PALD1: variants seen among roughly 807,000 people sequenced by gnomAD.
The protein encoded by PALD1 is phosphatase domain containing paladin 1.
Under a neutral mutation model 96.0 loss-of-function variants are expected in PALD1, and 57 were observed. The ratio of observed to expected loss-of-function variants is 0.59; its 90% CI spans 0.48 to 0.74. The LOEUF is 0.74. Among genes scored for constraint, PALD1 ranks in the 30% least tolerant of loss-of-function variants. The pLI is 0.00. For synonymous variants in PALD1, 464 were observed against 473.6 expected (o/e 0.98, Z 0.26); for missense variants, 1,063 against 1,143.7 (o/e 0.93, Z 1.02).
At chr10:70,558,992 G>T (rs1847675456) in intron 18 of PALD1, among the ~76,000 whole-genome samples, 1 of 152,194 alleles carries the variant, frequency 6.6e-6, no homozygotes. Context: ...TGATAGCTGG[G>T]CACTGGAAGA....
chr10:70,552,891 T>C (rs1345859560), intron 18 of PALD1, among the ~76,000 whole-genome samples: 2 of 152,166 alleles, frequency 1.3e-5, no homozygotes, highest in Non-Finnish European at 2.9e-5. Flanking sequence ...ACAGTTCTCC[T>C]TTTCCCCCCT....
intron 1 of PALD1, among the ~76,000 whole-genome samples, chr10:70,493,599 A>C (rs1201833359): frequency 6.6e-6 from 1 of 152,124 alleles, no homozygotes; most frequent in Non-Finnish European, 1.5e-5. Context: ...TCCTCACTGC[A>C]CACCCACTTC....
chr10:70,517,899 G>T (rs1028227575), intron 1 of PALD1, among the ~76,000 whole-genome samples: 2 of 151,346 alleles, frequency 1.3e-5, no homozygotes, highest in African/African-American at 4.9e-5. Flanking sequence ...TTTTGGGGTT[G>T]TTTTTTTTAT....
chr10:70,531,981 TA>T (rs71472975), intron 5 of PALD1, among the ~76,000 whole-genome samples: 19,182 of 136,468 alleles, frequency 0.14, 1,299 homozygotes, highest in South Asian at 0.2. Context: ...AAACTCTTTC[TA>T]AAAAAAAAAA....
intron 1 of PALD1, among the ~76,000 whole-genome samples, chr10:70,512,515 A>G (rs768148737): frequency 4.6e-5 from 7 of 152,234 alleles, no homozygotes; most frequent in Non-Finnish European, 8.8e-5. Context: ...GGTTAGAATT[A>G]GGGAGGCAGC....
chr10:70,507,250 A>T (rs1323533455), intron 1 of PALD1, among the ~76,000 whole-genome samples: 1 of 150,878 alleles, frequency 6.6e-6, no homozygotes, highest in Non-Finnish European at 1.5e-5. Flanking sequence ...AAAAATACAA[A>T]AAAAAAAAAA....
At chr10:70,511,492 G>A (rs141921921) in intron 1 of PALD1, among the ~76,000 whole-genome samples, 48 of 152,300 alleles carry the variant, frequency 3.2e-4, no homozygotes, top group African/African-American at 1.2e-3. Flanking sequence ...TTATACTGAC[G>A]CTTATGTCCC....
chr10:70,510,568 C>T (rs942036781), intron 1 of PALD1, among the ~76,000 whole-genome samples: 20 of 152,158 alleles, frequency 1.3e-4, no homozygotes, highest in East Asian at 7.7e-4. Flanking sequence ...ATTGCCTTTC[C>T]GTGAGTTGAC....
At chr10:70,536,097 C>G (rs1286862214) in intron 10 of PALD1, among the ~76,000 whole-genome samples, 1 of 152,134 alleles carries the variant, frequency 6.6e-6, no homozygotes, top group African/African-American at 2.4e-5. Context: ...TGGTGAAATC[C>G]TGTCTCCACA....
At chr10:70,521,410 A>G (rs1213948191) in intron 1 of PALD1, among the ~76,000 whole-genome samples, 3 of 152,196 alleles carry the variant, frequency 2.0e-5, no homozygotes, top group Non-Finnish European at 4.4e-5. Context: ...TATGACATAA[A>G]GCATCCAGCA....
rs1847865964 is a variant in PALD1, at chr10:70,566,790, G to A, written c.*57G>A. On this transcript the variant is annotated 3_prime_UTR_variant, in exon 20 of 20. Transcript: ENST00000263563. ...GGCCCCACGCAGGCCTGGGGTGTCT[G>A]AGGTGCTCTTGGCTGGGAGCGGCCC... 4 of 1,270,326 alleles carry A rather than the reference G, an allele frequency of 3.1e-6. No homozygotes were observed. The highest frequency in any genetic ancestry group is 2.2e-6 in the Non-Finnish European group (2 of 920,290). The allele number at this position is 1,270,326 out of a possible 1,614,324, so 78.7% of individuals were successfully genotyped here.
chr10:70,537,538 G>A (rs890482369), intron 10 of PALD1, among the ~76,000 whole-genome samples: 14 of 152,362 alleles, frequency 9.2e-5, no homozygotes, highest in Admixed American at 7.8e-4. Context: ...CTGTCTTGGC[G>A]CTGGGAGCCT....
intron 18 of PALD1, among the ~76,000 whole-genome samples, chr10:70,547,766 C>T (rs1157717680): frequency 6.6e-6 from 1 of 152,134 alleles, no homozygotes; most frequent in African/African-American, 2.4e-5. Flanking sequence ...CCCAGGAGCC[C>T]TGTGGTGCCA....
intron 1 of PALD1, among the ~76,000 whole-genome samples, chr10:70,509,059 C>A (rs542703877): frequency 2.6e-5 from 4 of 152,350 alleles, no homozygotes; most frequent in Admixed American, 2.6e-4. Context: ...TGCCGTCCCC[C>A]AGAGTCGGGC....
chr10:70,561,999 G>C (rs956838191), intron 18 of PALD1, among the ~76,000 whole-genome samples: 1 of 152,230 alleles, frequency 6.6e-6, no homozygotes, highest in African/African-American at 2.4e-5. Context: ...CCCAGTATGT[G>C]GCTTGGGTGA....
At chr10:70,470,542 TA>T in the PALD1 span, among the ~76,000 whole-genome samples, 5 of 144,936 alleles carry the variant, frequency 3.4e-5, no homozygotes, top group Admixed American at 1.4e-4. Flanking sequence ...TATTATATAA[TA>T]AATAATATTT....
At chr10:70,483,892 G>GTATA (rs1327401189) in intron 1 of PALD1, among the ~76,000 whole-genome samples, 5 of 152,162 alleles carry the variant, frequency 3.3e-5, no homozygotes, top group South Asian at 4.1e-4. Flanking sequence ...TACACGGGAT[G>GTATA]TATACATCAG....
chr10:70,535,000 T>C (rs1847079938), intron 10 of PALD1, among the ~76,000 whole-genome samples, 157 bp downstream of exon 10: 1 of 152,220 alleles, frequency 6.6e-6, no homozygotes, highest in Non-Finnish European at 1.5e-5. Flanking sequence ...AGATAGGGGC[T>C]CTGGGCCCAC....
chr10:70,520,209 CAG>C (rs1316605391), intron 1 of PALD1, among the ~76,000 whole-genome samples: 1 of 152,144 alleles, frequency 6.6e-6, no homozygotes, highest in Non-Finnish European at 1.5e-5. Flanking sequence ...TCTGAGAAGC[CAG>C]ACTCTATTTT....
Sources: gnomAD v4.1 joint callset for allele counts (sites outside exome capture counted in the v4.1 genomes callset) on GRCh38, gnomAD v4.1.1 for gene constraint, MANE v1.5 for transcripts, NCBI Gene and HGNC (gene_info 2026-07-23, HGNC 2026-07-21) for gene names.